The following ADCY9 variants were observed in gnomAD, a reference collection of about 807,000 sequenced individuals.
ADCY9 encodes the protein adenylate cyclase type 9.
In ADCY9, 50 loss-of-function variants were observed where a neutral mutation model predicts 101.5. The observed-to-expected ratio is 0.49, with a 90% CI of 0.39 to 0.62. The LOEUF (loss-of-function observed/expected upper bound fraction) is 0.62. Among genes scored for constraint, ADCY9 ranks in the 20% least tolerant of loss-of-function variants. The pLI is 0.00. For missense variants in ADCY9, 1,662 were observed against 1,800.4 expected, an observed-to-expected ratio of 0.92 and a Z score of 1.39; for synonymous variants, 905 against 769.3, an observed-to-expected ratio of 1.18 and a Z score of -2.92.
intron 10 of ADCY9, 45 bp downstream of exon 10, chr16:3,974,624 G>A: frequency 6.5e-7 from 1 of 1,544,136 alleles, no homozygotes; most frequent in Non-Finnish European, 8.9e-7. Context: ...GGGTAATACA[G>A]TCACTCTCGT....
chr16:4,084,436 G>T (rs1222040396), intron 2 of ADCY9, among the ~76,000 whole-genome samples: 1 of 151,864 alleles, frequency 6.6e-6, no homozygotes, highest in Admixed American at 6.6e-5. Context: ...TTTAAAAAAT[G>T]AAATGTTGGC....
chr16:3,983,048 G>A (rs2056157455), intron 7 of ADCY9, 184 bp downstream of exon 7: 2 of 638,912 alleles, frequency 3.1e-6, no homozygotes, highest in Non-Finnish European at 2.7e-6. Flanking sequence ...CCGCATCTGG[G>A]CCAACGTCAG....
chr16:4,015,103 C>T (rs922289605), intron 2 of ADCY9, among the ~76,000 whole-genome samples: 1 of 151,960 alleles, frequency 6.6e-6, no homozygotes, highest in South Asian at 2.1e-4. Flanking sequence ...CTATGCCTGG[C>T]TAATTTTTTT....
At chr16:3,987,233 G>A (rs2056200758) in intron 6 of ADCY9, among the ~76,000 whole-genome samples, 1 of 152,222 alleles carries the variant, frequency 6.6e-6, no homozygotes, top group Admixed American at 6.5e-5. Flanking sequence ...AGCTCCGGAT[G>A]TTGTTTCTAA....
At chr16:3,956,015 A>T (rs1198616260) in intron 5 of ADCY9, among the ~76,000 whole-genome samples, 1 of 152,114 alleles carries the variant, frequency 6.6e-6, no homozygotes, top group African/African-American at 2.4e-5. Context: ...TGTGTACACC[A>T]CCGTGCCTGG....
At chr16:4,094,228 G>A (rs1283799989) in intron 2 of ADCY9, among the ~76,000 whole-genome samples, 1 of 151,946 alleles carries the variant, frequency 6.6e-6, no homozygotes, top group Non-Finnish European at 1.5e-5. Flanking sequence ...CTGGCACACG[G>A]AGTCAGTCAC....
intron 2 of ADCY9, among the ~76,000 whole-genome samples, chr16:4,015,961 C>T (rs2141731294): frequency 7.2e-6 from 1 of 139,422 alleles, no homozygotes; most frequent in Non-Finnish European, 1.6e-5. Flanking sequence ...GAATGAGACC[C>T]TGTCTCAAAA....
intron 2 of ADCY9, among the ~76,000 whole-genome samples, chr16:4,014,325 GAAAA>G (rs71394639): frequency 1.4e-5 from 1 of 68,990 alleles, no homozygotes; most frequent in Non-Finnish European, 3.0e-5. Context: ...TCTCAAAAAA[GAAAA>G]AAAAAAAAAA....
intron 2 of ADCY9, among the ~76,000 whole-genome samples, chr16:4,022,806 TAATA>T (rs2141742115): frequency 6.6e-6 from 1 of 152,250 alleles, no homozygotes; most frequent in Non-Finnish European, 1.5e-5. Flanking sequence ...AAATATAAAT[TAATA>T]AATAAAAATT....
rs1336013092 is a variant in ADCY9, at chr16:3,963,222, A to T, written c.*2553T>A. 3 of 389,826 alleles carry T rather than the reference A, an allele frequency of 7.7e-6. No homozygotes were observed. The South Asian group carries it at 4.2e-4, about 54-fold the overall frequency. The allele number at this position is 389,826 out of a possible 1,614,324, so 24.1% of individuals were successfully genotyped here. Reference sequence around the variant, plus strand: ...CAAAGCAACTATTTACACACATTCAATGCTGAAGTATTGCTTCCTGCCCTA... The same window carrying T: ...CAAAGCAACTATTTACACACATTCATTGCTGAAGTATTGCTTCCTGCCCTA... On this transcript the variant is annotated 3_prime_UTR_variant, in exon 11 of 11. Coordinates refer to ENST00000294016, the MANE Select transcript of ADCY9 (RefSeq NM_001116.4).
chr16:3,985,447 T>A (rs979282427), intron 6 of ADCY9, among the ~76,000 whole-genome samples: 1 of 152,124 alleles, frequency 6.6e-6, no homozygotes, highest in African/African-American at 2.4e-5. Context: ...GGTGTAGGAA[T>A]TTCAGGGGCG....
intron 8 of ADCY9, among the ~76,000 whole-genome samples, chr16:3,978,187 G>A (rs1020064084): frequency 2.0e-5 from 3 of 152,216 alleles, no homozygotes; most frequent in Non-Finnish European, 1.5e-5. Flanking sequence ...TCTTCTGCAG[G>A]TGTGGGAAAT....
intron 2 of ADCY9, among the ~76,000 whole-genome samples, chr16:4,080,139 T>C (rs1226828796): frequency 6.6e-6 from 1 of 152,092 alleles, no homozygotes; most frequent in Non-Finnish European, 1.5e-5. Flanking sequence ...CCCCATGAAA[T>C]AGCAACAGAA....
At chr16:3,995,415 A>G (rs1329659071) in intron 3 of ADCY9, among the ~76,000 whole-genome samples, 1 of 152,046 alleles carries the variant, frequency 6.6e-6, no homozygotes, top group Non-Finnish European at 1.5e-5. Context: ...GGCAAAAGAG[A>G]AAGACCCTGT....
At chr16:4,013,530 T>C (rs1271769660) in intron 2 of ADCY9, among the ~76,000 whole-genome samples, 3 of 152,206 alleles carry the variant, frequency 2.0e-5, no homozygotes, top group Non-Finnish European at 4.4e-5. Context: ...GCCAGCCACA[T>C]AGCATAACAA....
chr16:4,048,121 C>T (rs2056678120), intron 2 of ADCY9, among the ~76,000 whole-genome samples: 1 of 151,460 alleles, frequency 6.6e-6, no homozygotes, highest in Admixed American at 6.6e-5. Flanking sequence ...GGTTTCTGTT[C>T]CCTGTCATTT....
At position 4,116,419 on chromosome 16, in the gene ADCY9, G is replaced by A. The variant is rs1426817079; in HGVS notation, c.-773C>T. 4.3e-4 allele frequency among the ~76,000 whole-genome samples: 63 copies of A among 145,770 alleles called. No individual in the cohort carries two copies. In the South Asian group the frequency reaches 0.013, roughly 31 times the overall value. ...AGAGCTGCCGCCGCCACCATCTCCG[G>A]CCCCTGCCCCGCCCGCTGTCACTGA... On this transcript the variant is annotated 5_prime_UTR_variant, in exon 1 of 11. Coordinates refer to ENST00000294016, the MANE Select transcript of ADCY9 (RefSeq NM_001116.4).
intron 6 of ADCY9, among the ~76,000 whole-genome samples, chr16:3,988,398 C>T (rs554051947): frequency 6.3e-5 from 8 of 126,478 alleles, no homozygotes; most frequent in Admixed American, 2.6e-4. Context: ...ACAGGTGGGA[C>T]GGGGGCTCTT....
intron 2 of ADCY9, among the ~76,000 whole-genome samples, chr16:4,066,875 C>G (rs754484113): frequency 1.3e-5 from 2 of 152,146 alleles, no homozygotes; most frequent in African/African-American, 4.8e-5. Context: ...CTGGTTCATC[C>G]CAACGTTTTC....
Sources: allele counts gnomAD v4.1 joint callset (sites outside exome capture counted in the v4.1 genomes callset), GRCh38; gene constraint gnomAD v4.1.1; transcripts MANE v1.5; gene names NCBI Gene and HGNC (gene_info 2026-07-23, HGNC 2026-07-21).